The following KAZN variants were observed in gnomAD, a reference collection of about 807,000 sequenced individuals.
KAZN encodes the protein kazrin.
A neutral mutation model predicts 87.4 loss-of-function variants in KAZN; 40 were observed. The ratio of observed to expected loss-of-function variants is 0.46; its 90% CI spans 0.36 to 0.60. The LOEUF is 0.60. KAZN is among the 20% of genes least tolerant of loss of function. The pLI is 0.00. For missense variants in KAZN, 898 were observed against 1,073.9 expected (o/e 0.84, Z 2.29); for synonymous variants, 466 against 458.3 (o/e 1.02, Z -0.22).
chr1:14,221,856 T>C (rs1647107008), intron 2 of KAZN: 1 of 152,188 alleles, frequency 6.6e-6, no homozygotes, highest in Non-Finnish European at 1.5e-5. Context: ...CATCTCATTT[T>C]AGTTGATGTA....
chr1:14,988,886 A>G (rs1406418527), intron 2 of KAZN, among the ~76,000 whole-genome samples: 1 of 152,206 alleles, frequency 6.6e-6, no homozygotes, highest in Non-Finnish European at 1.5e-5. Flanking sequence ...GGGCACGCTT[A>G]CCACTGCATG....
chr1:14,128,580 C>T (rs1201886096), intron 1 of KAZN, among the ~76,000 whole-genome samples: 3 of 152,102 alleles, frequency 2.0e-5, no homozygotes, highest in African/African-American at 7.2e-5. Context: ...GCCCAAATTT[C>T]CTCTTCTCAG....
chr1:13,900,463 A>G (rs1338460876), intron 1 of KAZN, among the ~76,000 whole-genome samples: 1 of 152,000 alleles, frequency 6.6e-6, no homozygotes, highest in Non-Finnish European at 1.5e-5. Context: ...CCACTGCTTG[A>G]CCTCAAGAAG....
chr1:14,183,801 T>C (rs114979801), intron 2 of KAZN, among the ~76,000 whole-genome samples: 7,581 of 152,216 alleles, frequency 0.05, 275 homozygotes, highest in Non-Finnish European at 0.077. Flanking sequence ...GTCCCCCTCT[T>C]GAAGGCCGAG....
intron 2 of KAZN, among the ~76,000 whole-genome samples, chr1:14,336,137 C>T (rs573671445): frequency 2.2e-4 from 33 of 152,284 alleles, no homozygotes; most frequent in Admixed American, 2.1e-3. Flanking sequence ...AGGCTTTTGG[C>T]CTGAGCAACC....
intron 2 of KAZN, among the ~76,000 whole-genome samples, chr1:14,262,576 G>C (rs987392854): frequency 6.6e-6 from 1 of 152,196 alleles, no homozygotes; most frequent in Non-Finnish European, 1.5e-5. Flanking sequence ...AGTAGCTTAA[G>C]ATGGGTCACC....
chr1:14,527,739 T>C (rs1671966091), intron 2 of KAZN, among the ~76,000 whole-genome samples: 1 of 151,620 alleles, frequency 6.6e-6, no homozygotes, highest in Non-Finnish European at 1.5e-5. Context: ...GGCAGGGAGG[T>C]TCCAGGCTCT....
intron 2 of KAZN, among the ~76,000 whole-genome samples, chr1:14,313,717 C>G (rs942288882): frequency 1.3e-5 from 2 of 152,100 alleles, no homozygotes; most frequent in African/African-American, 4.8e-5. Context: ...ATCATCATCA[C>G]CCCATATTAT....
chr1:15,083,797 C>A (rs1280055534), intron 8 of KAZN, among the ~76,000 whole-genome samples: 1 of 152,174 alleles, frequency 6.6e-6, no homozygotes, highest in African/African-American at 2.4e-5. Context: ...CTTCCCACAC[C>A]CCACACACCA....
chr1:14,190,827 C>T (rs144715725), intron 2 of KAZN, among the ~76,000 whole-genome samples: 151 of 152,224 alleles, frequency 9.9e-4, no homozygotes, highest in Non-Finnish European at 1.6e-3. Context: ...CAGCTGGGCT[C>T]ATCCCAGAAC....
At chr1:14,200,947 T>C (rs889349705) in intron 2 of KAZN, among the ~76,000 whole-genome samples, 1 of 152,138 alleles carries the variant, frequency 6.6e-6, no homozygotes, top group African/African-American at 2.4e-5. Context: ...TCATTAGTAT[T>C]TGTTACTCAA....
intron 1 of KAZN, among the ~76,000 whole-genome samples, chr1:14,072,996 T>G (rs1643306699): frequency 6.6e-6 from 1 of 152,106 alleles, no homozygotes; most frequent in African/African-American, 2.4e-5. Flanking sequence ...CAGGGCTGGT[T>G]CTGAATCTAT....
chr1:14,544,350 C>CTTTTTTTTTTTTTTTT (rs374148415), intron 2 of KAZN, among the ~76,000 whole-genome samples: 325 of 98,140 alleles, frequency 3.3e-3, no homozygotes, highest in East Asian at 5.8e-3. Context: ...TTCTTTCTTT[C>CTTTTTTTTTTTTTTTT]TTTTTTTTTT....
chr1:13,901,292 C>T (rs1447918935), intron 1 of KAZN, among the ~76,000 whole-genome samples: 2 of 152,164 alleles, frequency 1.3e-5, no homozygotes, highest in East Asian at 1.9e-4. Context: ...CATACGGTCA[C>T]CCTTAATAAG....
intron 2 of KAZN, among the ~76,000 whole-genome samples, chr1:14,390,094 G>GT (rs74498664): frequency 0.11 from 16,784 of 151,952 alleles, 1,117 homozygotes; most frequent in East Asian, 0.23. Flanking sequence ...AAATTTCACT[G>GT]TTTTTTTTCC....
chr1:15,067,257 C>T, intron 8 of KAZN: 19 of 985,560 alleles, frequency 1.9e-5, no homozygotes, highest in Non-Finnish European at 2.3e-5. Context: ...TTCCATCAGC[C>T]ACACTTAGAA....
chr1:14,522,525 A>G (rs924298630), intron 2 of KAZN, among the ~76,000 whole-genome samples: 1 of 152,166 alleles, frequency 6.6e-6, no homozygotes, highest in Non-Finnish European at 1.5e-5. Context: ...TGATGTGTAC[A>G]ATTTGGTCTC....
chr1:14,570,747 C>T (rs1055137103), intron 2 of KAZN, among the ~76,000 whole-genome samples: 2 of 152,178 alleles, frequency 1.3e-5, no homozygotes, highest in African/African-American at 4.8e-5. Flanking sequence ...GTAAATAACT[C>T]ATAGAATCGC....
chr1:14,401,380 C>A (rs534947281), intron 2 of KAZN, among the ~76,000 whole-genome samples: 14 of 151,364 alleles, frequency 9.2e-5, no homozygotes, highest in Non-Finnish European at 2.1e-4. Context: ...AGGATTATAT[C>A]ATTCCAGGTC....
Sources: allele counts gnomAD v4.1 joint callset (sites outside exome capture counted in the v4.1 genomes callset), GRCh38; gene constraint gnomAD v4.1.1; transcripts MANE v1.5; gene names NCBI Gene and HGNC (gene_info 2026-07-23, HGNC 2026-07-21).